GSE1: variants seen among roughly 807,000 people sequenced by gnomAD.
GSE1 encodes Gse1 coiled-coil protein.
A neutral mutation model predicts 112.6 loss-of-function variants in GSE1; 32 were observed. The observed-to-expected ratio is 0.28, with a 90% CI of 0.21 to 0.38. The LOEUF (loss-of-function observed/expected upper bound fraction) is 0.38. Ranked by LOEUF, GSE1 falls within the 10% of genes least tolerant of loss-of-function variation. GSE1 has a pLI of 1.00. For synonymous variants in GSE1, 1,115 were observed against 735.6 expected (o/e 1.52, Z -8.35); for missense variants, 2,348 against 1,699.2 (o/e 1.38, Z -6.71).
chr16:85,353,118 G>T (rs1002148113), intron 1 of GSE1, among the ~76,000 whole-genome samples: 1 of 152,234 alleles, frequency 6.6e-6, no homozygotes, highest in Admixed American at 6.5e-5. Context: ...GCAGATCAAG[G>T]TGTTGGCTAG....
intron 2 of GSE1, among the ~76,000 whole-genome samples, chr16:85,549,680 G>T (rs2044834485): frequency 6.6e-6 from 1 of 152,206 alleles, no homozygotes; most frequent in East Asian, 1.9e-4. Flanking sequence ...CCGCACAGAG[G>T]TTCCCTTTTT....
chr16:85,215,917 C>T (rs1289183251), intron 1 of GSE1, among the ~76,000 whole-genome samples: 2 of 152,206 alleles, frequency 1.3e-5, no homozygotes, highest in East Asian at 1.9e-4. Flanking sequence ...GACATGAGGG[C>T]CCTCAGTCAC....
intron 2 of GSE1, among the ~76,000 whole-genome samples, chr16:85,469,952 T>G (rs142606512): frequency 1.3e-5 from 2 of 152,294 alleles, no homozygotes; most frequent in East Asian, 3.9e-4. Context: ...CCATCCTCAC[T>G]GTGGTTCCCC....
intron 3 of GSE1, among the ~76,000 whole-genome samples, chr16:85,652,560 C>A (rs2051458472): frequency 6.6e-6 from 1 of 152,150 alleles, no homozygotes; most frequent in South Asian, 2.1e-4. Flanking sequence ...GCGGCGGCGG[C>A]GGCGGCTCCT....
rs556212723 is a variant in GSE1, at chr16:85,431,475, A to G, written c.2464+73832A>G. Among the ~76,000 whole-genome samples the G allele has an allele frequency of 1.2e-4, 18 of 152,350 alleles. No individual in the cohort carries two copies. The South Asian group carries it at 3.7e-3, about 32-fold the overall frequency. ...GGGGCGAAAAACACACAACGCCCCT[A>G]CCGTGTTTGCAGGCCACACTTGCAG... On this transcript the variant is annotated intron_variant, in intron 2 of 2. Transcript: ENST00000637419.
chr16:85,588,957 A>G (rs985121975), intron 1 of GSE1, among the ~76,000 whole-genome samples: 6 of 152,062 alleles, frequency 3.9e-5, no homozygotes, highest in African/African-American at 1.4e-4. Context: ...ACATATTCAC[A>G]CACACGTTCA....
intron 2 of GSE1, among the ~76,000 whole-genome samples, chr16:85,468,607 A>G (rs2050192390): frequency 6.6e-6 from 1 of 151,770 alleles, no homozygotes; most frequent in Admixed American, 6.6e-5. Context: ...CAGGTGTGAG[A>G]CACCACCCCC....
At chr16:85,345,976 A>G (rs1339012856) in intron 1 of GSE1, among the ~76,000 whole-genome samples, 1 of 152,012 alleles carries the variant, frequency 6.6e-6, no homozygotes, top group African/African-American at 2.4e-5. Flanking sequence ...ATGAATGGAC[A>G]GATGGATGGG....
At chr16:85,569,189 C>T (rs1056937039) in intron 1 of GSE1, among the ~76,000 whole-genome samples, 1 of 152,230 alleles carries the variant, frequency 6.6e-6, no homozygotes, top group Non-Finnish European at 1.5e-5. Context: ...ACCTGTCCTC[C>T]ACACCTTTGG....
At position 85,656,437 on chromosome 16, in the gene GSE1, G is replaced by C. The variant is rs2051952472; in HGVS notation, c.1084G>C (p.Glu362Gln). ...TGACCGCGAGCGGGAGAAGGAACGT[G>C]AGCGCGAACGCGAGAAGGAGCGCGA... ...EADREREKEREREREKEREQE... is the reference protein window; with the variant it reads ...EADREREKERQREREKEREQE... The change falls in exon 7 of 16, where the codon GAG becomes CAG. Residue 362 changes from glutamate to glutamine, a missense_variant. Coordinates refer to ENST00000253458, the MANE Select transcript of GSE1 (RefSeq NM_014615.5). 1.9e-6 allele frequency: 3 copies of C among 1,566,100 alleles called. No individual in the cohort carries two copies. The highest frequency in any genetic ancestry group is 1.7e-6 in the Non-Finnish European group (2 of 1,151,812).
At chr16:85,533,885 C>T (rs557306721) in intron 2 of GSE1, among the ~76,000 whole-genome samples, 5 of 152,066 alleles carry the variant, frequency 3.3e-5, no homozygotes, top group South Asian at 4.2e-4. Flanking sequence ...AAAATAAACT[C>T]GGCATTATTG....
intron 2 of GSE1, among the ~76,000 whole-genome samples, chr16:85,436,854 C>T (rs532871756): frequency 9.2e-5 from 14 of 152,314 alleles, no homozygotes; most frequent in African/African-American, 2.4e-4. Context: ...GGGCTGGGCT[C>T]GGTTCCCCCA....
At chr16:85,582,658 C>T (rs1008220480) in intron 1 of GSE1, among the ~76,000 whole-genome samples, 1 of 152,198 alleles carries the variant, frequency 6.6e-6, no homozygotes, top group African/African-American at 2.4e-5. Flanking sequence ...GTGCCTGGAG[C>T]TCAGTCCTCC....
chr16:85,433,097 G>C (rs927867325), intron 2 of GSE1, among the ~76,000 whole-genome samples: 1 of 152,008 alleles, frequency 6.6e-6, no homozygotes, highest in African/African-American at 2.4e-5. Flanking sequence ...CAGGGGTTCA[G>C]GGAGGCTCAG....
At chr16:85,642,957 G>C (rs973975276) in intron 2 of GSE1, among the ~76,000 whole-genome samples, 9 of 152,182 alleles carry the variant, frequency 5.9e-5, no homozygotes, top group African/African-American at 2.2e-4. Context: ...TGGTCCTGTG[G>C]CGTGGCCCCC....
chr16:85,199,722 C>T lies in GSE1; in HGVS notation c.2283+27915C>T, dbSNP rs1466475581. Among the ~76,000 whole-genome samples, 4 of 152,050 alleles carry T rather than the reference C, an allele frequency of 2.6e-5. No homozygotes were observed. The East Asian group carries it at 7.7e-4, about 29-fold the overall frequency. ...GGAGCTCAGGATCCAAAAAGGATGACATTGGGACATTCTATTCAGAAGGTA... is the reference window on the plus strand; with the variant it reads ...GGAGCTCAGGATCCAAAAAGGATGATATTGGGACATTCTATTCAGAAGGTA... On this transcript the variant is annotated intron_variant, in intron 1 of 2. Coordinates refer to the GSE1 transcript ENST00000637419.
rs181347384 is a variant in GSE1 at position 85,218,121 on chromosome 16, C to T, written c.2283+46314C>T. On this transcript the variant is annotated intron_variant, in intron 1 of 2. Coordinates refer to the GSE1 transcript ENST00000637419. ...TTCACCATGTTGGCCAGGCTGGTCT[C>T]GAACTCCTGGCCTCAAGTGATCTGC... is the stretch of plus-strand genomic sequence containing the variant. Among the ~76,000 whole-genome samples, 387 of 152,204 alleles carry T rather than the reference C, an allele frequency of 2.5e-3. 1 individual carries two copies. The highest frequency in any genetic ancestry group is 4.2e-3 in the Admixed American group (64 of 15,276).
intron 8 of GSE1, among the ~76,000 whole-genome samples, chr16:85,659,222 A>C (rs972710618): frequency 1.3e-5 from 2 of 152,102 alleles, no homozygotes; most frequent in Admixed American, 6.5e-5. Flanking sequence ...CTGTGTTTAA[A>C]CAGGGCTCCC....
At chr16:85,544,229 C>G (rs543974848) in intron 2 of GSE1, among the ~76,000 whole-genome samples, 5 of 152,206 alleles carry the variant, frequency 3.3e-5, no homozygotes, top group Non-Finnish European at 7.3e-5. Context: ...ATGCACGGGA[C>G]AGTCCCCGCA....
Sources: gnomAD v4.1 joint callset for allele counts (sites outside exome capture counted in the v4.1 genomes callset) on GRCh38, gnomAD v4.1.1 for gene constraint, MANE v1.5 for transcripts, NCBI Gene and HGNC (gene_info 2026-07-23, HGNC 2026-07-21) for gene names.